ACOX3: variants seen among roughly 807,000 people sequenced by gnomAD.
ACOX3 encodes acyl-CoA oxidase 3, pristanoyl, also known as peroxisomal acyl-coenzyme A oxidase 3.
Under a neutral mutation model 81.5 loss-of-function variants are expected in ACOX3, and 73 were observed. The observed-to-expected ratio is 0.90, with a 90% CI of 0.74 to 1.09. The LOEUF (loss-of-function observed/expected upper bound fraction) is 1.09, where lower values mean the gene tolerates loss of function less well. Among genes scored for constraint, ACOX3 ranks in the 50% least tolerant of loss-of-function variants. The pLI is 0.00. For synonymous variants in ACOX3, 387 were observed against 375.1 expected, an observed-to-expected ratio of 1.03 and a Z score of -0.37; for missense variants, 947 against 928.0, an observed-to-expected ratio of 1.02 and a Z score of -0.27.
At chr4:8,379,061 G>A (rs1400466247) in intron 14 of ACOX3, among the ~76,000 whole-genome samples, 1 of 152,206 alleles carries the variant, frequency 6.6e-6, no homozygotes, top group Non-Finnish European at 1.5e-5. Context: ...TCCTGGGGGT[G>A]TTCTCCGTCG....
intron 6 of ACOX3, among the ~76,000 whole-genome samples, chr4:8,408,616 A>C (rs1426070487): frequency 1.3e-5 from 2 of 152,196 alleles, no homozygotes; most frequent in African/African-American, 4.8e-5. Context: ...CTATAATCAC[A>C]GAAACAAGGC....
downstream of ACOX3, among the ~76,000 whole-genome samples, chr4:8,362,176 T>G (rs1183267846): frequency 6.6e-6 from 1 of 152,164 alleles, no homozygotes; most frequent in Non-Finnish European, 1.5e-5. Context: ...AATTGTGATA[T>G]TAGAATGGAG....
rs1001848852 is a variant in ACOX3, at chr4:8,382,836, C to A, written c.1538-1229G>T. 6.6e-6 allele frequency among the ~76,000 whole-genome samples: 1 copy of A among 151,782 alleles called. No homozygotes were observed. Among genetic ancestry groups the A allele is most frequent in the Non-Finnish European group, 1.5e-5 (1 of 67,890 alleles). On this transcript the variant is annotated intron_variant, in intron 13 of 17. Transcript: ENST00000356406. This position sits in a 1 kb window ranked among gnomAD's most constrained non-coding sequence, Gnocchi z 4.1. Reference sequence around the variant, plus strand: ...TGAAACCCCGTCTCTACTAAAAATACAAAAAATTAGCCGGGCGCAGTGGCA... The same window carrying A: ...TGAAACCCCGTCTCTACTAAAAATAAAAAAAATTAGCCGGGCGCAGTGGCA...
rs979069912 is a variant in ACOX3 at position 8,376,494 on chromosome 4, C to T, written c.1654-1342G>A. On this transcript the variant is annotated intron_variant, in intron 14 of 17. Coordinates refer to ENST00000356406, the MANE Select transcript of ACOX3 (RefSeq NM_003501.3). Reference sequence around the variant, plus strand: ...GAACACAGCAGGGTGAAGCACACGGCAGCAGGGTCTCCAGTCACAAAGCCA... The same window carrying T: ...GAACACAGCAGGGTGAAGCACACGGTAGCAGGGTCTCCAGTCACAAAGCCA... 5.3e-5 allele frequency among the ~76,000 whole-genome samples: 8 copies of T among 152,322 alleles called. No homozygotes were observed. In the South Asian group the frequency reaches 1.7e-3, roughly 32 times the overall value.
rs766885099 is a variant in ACOX3, at chr4:8,397,055, C to T, written c.938G>A (p.Ser313Asn). 5 of 1,606,110 alleles carry T rather than the reference C, an allele frequency of 3.1e-6. No individual in the cohort carries two copies. The African/African-American group carries it at 6.7e-5, about 22-fold the overall frequency. ...SLSSGRVSIV[S>N]LAILNLKLAV... is the part of the protein sequence containing the mutation. ...CAGCTTTAGGTTAAGGATGGCCAGG[C>T]TCACGATGGAGACCCGGCCCGAGGA... The change falls in exon 9 of 18, where the codon AGC (serine) becomes AAC (asparagine). Residue 313 changes from serine (S) to asparagine (N), a missense_variant. By Grantham distance (46) the Ser-to-Asn change is conservative. Transcript: ENST00000356406.
rs551789398 is a variant in ACOX3, at chr4:8,432,986, C to T, written c.-15+7662G>A. Among the ~76,000 whole-genome samples, 4 of 152,346 alleles carry T rather than the reference C, an allele frequency of 2.6e-5. No individual in the cohort carries two copies. Among genetic ancestry groups the T allele is most frequent in the African/African-American group, 9.6e-5 (4 of 41,578 alleles). ...GTGGGTCAGTAGCCAAAAGTAACTA[C>T]GGTATTGGACAGTGCAGACATAGAA... On this transcript the variant is annotated intron_variant, in intron 1 of 17. Transcript: ENST00000356406. The surrounding 1 kb of genome is among the most constrained non-coding windows in gnomAD (Gnocchi z 6.2).
rs187739854 is a variant in ACOX3, at chr4:8,399,457, G to A, written c.873+99C>T. The stretch of plus-strand genomic sequence containing the variant: ...CCCAGCGACACCTGGCCTACGTGGA[G>A]GGGTCTCCTTTCCAGGTGCAGGGAG... On this transcript the variant is annotated intron_variant, in intron 8 of 17. Transcript: ENST00000356406. This position sits in a 1 kb window ranked among gnomAD's most constrained non-coding sequence, Gnocchi z 4.9. The A allele has an allele frequency of 9.7e-5, 102 of 1,049,186 alleles. No individual in the cohort carries two copies. In the East Asian group the frequency reaches 2.4e-3, roughly 24 times the overall value. The allele number at this position is 1,049,186 out of a possible 1,614,324, so 65.0% of individuals were successfully genotyped here.
rs746138772 is a variant in ACOX3 at position 8,375,053 on chromosome 4, G to C, written c.1753C>G (p.Arg585Gly). The part of the protein sequence containing the change: ...VHQPSVPPSL[R>G]AVLGRLSALY... ...GCACTGAGCCGCCCCAGCACGGCCC[G>C]CAGCGAGGGCGGCACGGAAGGCTGG... The change falls in exon 15 of 18, where the codon CGG becomes GGG. Residue 585 changes from arginine (R) to glycine (G), a missense_variant. Transcript: ENST00000356406. 2 of 1,554,494 alleles carry C rather than the reference G, an allele frequency of 1.3e-6. No individual in the cohort carries two copies. The highest frequency in any genetic ancestry group is 1.7e-6 in the Non-Finnish European group (2 of 1,148,904).
chr4:8,361,425 C>CAAAAAAAAAAAAAAAAAAAAAAA (rs56251372), downstream of ACOX3, among the ~76,000 whole-genome samples: 1 of 39,034 alleles, frequency 2.6e-5, no homozygotes, highest in Non-Finnish European at 4.2e-5. Flanking sequence ...GACTCTATCT[C>CAAAAAAAAAAAAAAAAAAAAAAA]AAAAAAAAAA....
In ACOX3 at chr4:8,394,401, C is replaced by T. The variant is rs192747484; in HGVS notation, c.1179+219G>A. On this transcript the variant is annotated intron_variant, in intron 10 of 17. Coordinates refer to ENST00000356406, the MANE Select transcript of ACOX3 (RefSeq NM_003501.3). This position sits in a 1 kb window ranked among gnomAD's most constrained non-coding sequence, Gnocchi z 5.9. ...GAACTCACAGACTGGAACCGGGAGT[C>T]GTGTCAGCACATCCTTGAGAGGCAG... is the stretch of plus-strand genomic sequence containing the variant. 6.9e-4 allele frequency among the ~76,000 whole-genome samples: 105 copies of T among 152,332 alleles called. No individual in the cohort carries two copies. Among genetic ancestry groups the T allele is most frequent in the East Asian group, 2.9e-3 (15 of 5,188 alleles).
intron 1 of ACOX3, among the ~76,000 whole-genome samples, chr4:8,424,636 C>T (rs981711187): frequency 1.3e-5 from 2 of 152,206 alleles, no homozygotes; most frequent in African/African-American, 4.8e-5. Context: ...GTCAGACAAC[C>T]GTTTGCTTAA....
intron 5 of ACOX3, among the ~76,000 whole-genome samples, chr4:8,413,863 G>T (rs754265498): frequency 6.6e-6 from 1 of 152,252 alleles, no homozygotes; most frequent in Non-Finnish European, 1.5e-5. Flanking sequence ...AATGGACAAG[G>T]CAGGCTCTTC....
Position 8,407,061 on chromosome 4 carries a change from G to A in ACOX3, c.688-1018C>T, listed in dbSNP as rs996018598. The stretch of plus-strand genomic sequence containing the variant: ...GACCACGGTCTGCTTGGCAACGGGC[G>A]TCTTCCCAGATGCTGGCATCACTGC... On this transcript the variant is annotated intron_variant, in intron 6 of 17. Transcript: ENST00000356406. This position sits in a 1 kb window ranked among gnomAD's most constrained non-coding sequence, Gnocchi z 4.6. 5.3e-5 allele frequency among the ~76,000 whole-genome samples: 8 copies of A among 152,156 alleles called. No homozygotes were observed. The highest frequency in any genetic ancestry group is 1.0e-4 in the Non-Finnish European group (7 of 68,022).
In ACOX3 at chr4:8,406,649, A is replaced by G. The variant is rs1720997278; in HGVS notation, c.688-606T>C. ...AATGATAGGTAAGACCACATGGGTC[A>G]CATGTCCACTGGACAGGGGGCCCTT... On this transcript the variant is annotated intron_variant, in intron 6 of 17. Transcript: ENST00000356406. This position sits in a 1 kb window ranked among gnomAD's most constrained non-coding sequence, Gnocchi z 5.6. Among the ~76,000 whole-genome samples, 1 of 152,242 alleles carries G rather than the reference A, an allele frequency of 6.6e-6. No homozygotes were observed. Among genetic ancestry groups the G allele is most frequent in the East Asian group, 1.9e-4 (1 of 5,200 alleles).
intron 5 of ACOX3, among the ~76,000 whole-genome samples, chr4:8,410,664 T>C (rs982681962): frequency 6.6e-6 from 1 of 151,964 alleles, no homozygotes; most frequent in African/African-American, 2.4e-5. Flanking sequence ...AGAAACACTG[T>C]GGATACACTG....
In ACOX3 at chr4:8,366,854, C is replaced by A. The variant is rs1715509449; in HGVS notation, c.*107G>T. On this transcript the variant is annotated 3_prime_UTR_variant, in exon 18 of 18. Coordinates refer to ENST00000356406, the MANE Select transcript of ACOX3 (RefSeq NM_003501.3). The stretch of plus-strand genomic sequence containing the variant: ...CAGTTTAGGCGCACAGGTGCGGGCT[C>A]AGAAAGCAGCAGCAATCTCCGGCGT... The A allele has an allele frequency of 6.7e-7, 1 of 1,497,010 alleles. No individual in the cohort carries two copies. Among genetic ancestry groups the A allele is most frequent in the African/African-American group, 1.4e-5 (1 of 72,714 alleles). 92.7% of individuals were successfully genotyped at this position (1,497,010 alleles called of 1,614,324 possible). A position where few individuals can be genotyped will look rare whatever the true frequency, so the allele number is the denominator to read the frequency against.
At chr4:8,428,010 T>G (rs188380262) in intron 1 of ACOX3, among the ~76,000 whole-genome samples, 2 of 152,240 alleles carry the variant, frequency 1.3e-5, no homozygotes, top group African/African-American at 4.8e-5. Flanking sequence ...ATGAGACGCT[T>G]GGAGCAGTTT....
rs754484402 is a variant in ACOX3, at chr4:8,381,189, G to A, written c.1653+303C>T. On this transcript the variant is annotated intron_variant, in intron 14 of 17. Transcript: ENST00000356406. The surrounding 1 kb of genome is among the most constrained non-coding windows in gnomAD (Gnocchi z 4.3). ...TCTGAGTGCCCGCAATGGTGTCTCCGCCACTCTGTGCATCCAAGGCTCTCA... is the reference window on the plus strand; with the variant it reads ...TCTGAGTGCCCGCAATGGTGTCTCCACCACTCTGTGCATCCAAGGCTCTCA... Among the ~76,000 whole-genome samples the A allele has an allele frequency of 3.3e-5, 5 of 152,140 alleles. No homozygotes were observed. Among genetic ancestry groups the A allele is most frequent in the African/African-American group, 4.8e-5 (2 of 41,430 alleles).
Position 8,431,364 on chromosome 4 carries a change from T to C in ACOX3, c.-15+9284A>G, listed in dbSNP as rs924260495. On this transcript the variant is annotated intron_variant, in intron 1 of 17. Coordinates refer to ENST00000356406, the MANE Select transcript of ACOX3 (RefSeq NM_003501.3). The surrounding 1 kb of genome is among the most constrained non-coding windows in gnomAD (Gnocchi z 5.3). Reference sequence around the variant, plus strand: ...GTGGCTTCACCTCGGGGCCACCTTCTGGCATTTGCCTGCTCACGCTGTAGC... The same window carrying C: ...GTGGCTTCACCTCGGGGCCACCTTCCGGCATTTGCCTGCTCACGCTGTAGC... Among the ~76,000 whole-genome samples the C allele has an allele frequency of 6.6e-6, 1 of 152,226 alleles. No homozygotes were observed. The highest frequency in any genetic ancestry group is 2.4e-5 in the African/African-American group (1 of 41,460).
Sources: gnomAD v4.1 joint callset for allele counts (sites outside exome capture counted in the v4.1 genomes callset) on GRCh38, gnomAD v4.1.1 for gene constraint, Gnocchi (gnomAD v3.1) non-coding constraint, MANE v1.5 for transcripts, NCBI Gene and HGNC (gene_info 2026-07-23, HGNC 2026-07-21) for gene names.